The following COL27A1 variants were observed in gnomAD, a reference collection of about 807,000 sequenced individuals.
The protein encoded by COL27A1 is collagen alpha-1(XXVII) chain.
COL27A1 carries 106 observed loss-of-function variants against 251.3 expected under a neutral mutation model. The ratio of observed to expected loss-of-function variants is 0.42; its 90% CI spans 0.36 to 0.50. The LOEUF (loss-of-function observed/expected upper bound fraction) is 0.50. Among genes scored for constraint, COL27A1 ranks in the 20% least tolerant of loss-of-function variants. The pLI is 0.00. For synonymous variants in COL27A1, 1,000 were observed against 986.3 expected, an observed-to-expected ratio of 1.01 and a Z score of -0.26; for missense variants, 2,325 against 2,522.8, an observed-to-expected ratio of 0.92 and a Z score of 1.68.
intron 5 of COL27A1, among the ~76,000 whole-genome samples, chr9:114,193,308 C>T (rs1828877323): frequency 1.3e-5 from 2 of 152,174 alleles, no homozygotes. Flanking sequence ...CAGGAGCACC[C>T]CGTGACAGAC....
At chr9:114,265,163 GGGGGCGGGTGC>G in intron 31 of COL27A1, 53 bp downstream of exon 31, 1 of 526,092 alleles carries the variant, frequency 1.9e-6, no homozygotes, top group Non-Finnish European at 3.7e-6. Context: ...GATGGGGGTG[GGGGGCGGGTGC>G]GGTGCTGATA....
At chr9:114,256,667 T>C (rs1833943024) in intron 27 of COL27A1, among the ~76,000 whole-genome samples, 1 of 152,134 alleles carries the variant, frequency 6.6e-6, no homozygotes, top group Admixed American at 6.5e-5. Context: ...CTGAGGACTT[T>C]GTCACTTCAC....
chr9:114,158,489 A>C (rs898079649), intron 1 of COL27A1, among the ~76,000 whole-genome samples: 1 of 152,124 alleles, frequency 6.6e-6, no homozygotes, highest in Non-Finnish European at 1.5e-5. Context: ...TTTCCATGTG[A>C]TGTTTCCTCG....
chr9:114,223,996 TTGG>T (rs1831291668), intron 14 of COL27A1, among the ~76,000 whole-genome samples: 1 of 152,188 alleles, frequency 6.6e-6, no homozygotes, highest in South Asian at 2.1e-4. Flanking sequence ...ACATTGGAAC[TTGG>T]TGGGAGAGAG....
chr9:114,208,064 T>G (rs1296017343), intron 10 of COL27A1, among the ~76,000 whole-genome samples: 2 of 152,136 alleles, frequency 1.3e-5, no homozygotes, highest in Non-Finnish European at 2.9e-5. Context: ...TTCTACCACA[T>G]TTCAGCTGTT....
rs2135634236 is a variant in COL27A1 at position 114,270,869 on chromosome 9, T to C, written c.3609+88T>C. The stretch of plus-strand genomic sequence containing the variant: ...CCTAAGTCTCCTCCCAGAAACACTG[T>C]GTTCCCATAGAGATCTGAGATGACA... On this transcript the variant is annotated intron_variant, in intron 36 of 60. Transcript: ENST00000356083. 3 of 1,014,610 alleles carry C rather than the reference T, an allele frequency of 3.0e-6. No homozygotes were observed. In the East Asian group the frequency reaches 7.3e-5, roughly 25 times the overall value. The allele number at this position is 1,014,610 out of a possible 1,614,324, so 62.9% of individuals were successfully genotyped here.
In COL27A1 at chr9:114,302,154, G is replaced by A. The variant is rs1828694365; in HGVS notation, c.4872+46G>A. 4 of 1,536,940 alleles carry A rather than the reference G, an allele frequency of 2.6e-6. No individual in the cohort carries two copies. In the East Asian group the frequency reaches 9.0e-5, roughly 34 times the overall value. On this transcript the variant is annotated intron_variant, in intron 56 of 60. Transcript: ENST00000356083. ...TTTGCCTACTTGGGGTAAGGCCTGA[G>A]GGGTTTGGGGGAAGAGGCTGCTGGC...
At chr9:114,298,500 T>C (rs771664060) in intron 49 of COL27A1, among the ~76,000 whole-genome samples, 1 of 152,252 alleles carries the variant, frequency 6.6e-6, no homozygotes, top group Non-Finnish European at 1.5e-5. Flanking sequence ...CTTACATTTA[T>C]GTCTGTTGTT....
Position 114,235,660 on chromosome 9 carries a change from CA to C in COL27A1, c.2619+9del. 1 of 1,610,302 alleles carries C rather than the reference CA, an allele frequency of 6.2e-7. No homozygotes were observed. Among genetic ancestry groups the C allele is most frequent in the Non-Finnish European group, 8.5e-7 (1 of 1,176,662 alleles). On this transcript the variant is annotated intron_variant, in intron 17 of 60. Coordinates refer to ENST00000356083, the MANE Select transcript of COL27A1 (RefSeq NM_032888.4). ...GGATTCCAAGGAGACAAGGTAATTG[CA>C]TGAGATTTTCCCCTCCCCCTGCCCC... is the stretch of plus-strand genomic sequence containing the variant.
chr9:114,223,457 G>T (rs1189265629), intron 14 of COL27A1, among the ~76,000 whole-genome samples: 1 of 152,184 alleles, frequency 6.6e-6, no homozygotes, highest in East Asian at 1.9e-4. Context: ...CTGCTCAGGT[G>T]AGTGGGAGCA....
intron 56 of COL27A1, among the ~76,000 whole-genome samples, chr9:114,304,161 C>A (rs1453667163): frequency 6.6e-6 from 1 of 152,136 alleles, no homozygotes; most frequent in Admixed American, 6.5e-5. Flanking sequence ...TCCTTGAGAA[C>A]CACTGGTATA....
chr9:114,256,899 T>C (rs1242262038), intron 27 of COL27A1, among the ~76,000 whole-genome samples: 2 of 152,228 alleles, frequency 1.3e-5, no homozygotes, highest in Non-Finnish European at 2.9e-5. Flanking sequence ...GTGCATTGCA[T>C]GCCTTCTGAG....
At chr9:114,240,379 C>T (rs989168584) in intron 20 of COL27A1, 55 bp from the exon 21 acceptor site, 19 of 1,596,972 alleles carry the variant, frequency 1.2e-5, no homozygotes, top group Middle Eastern at 1.7e-4. Flanking sequence ...TGCCAGCCTG[C>T]GATGGAGATG....
intron 5 of COL27A1, among the ~76,000 whole-genome samples, chr9:114,190,711 G>A (rs1828697099): frequency 6.6e-6 from 1 of 152,154 alleles, no homozygotes; most frequent in Non-Finnish European, 1.5e-5. Context: ...TATGTTCTTG[G>A]CACTTAAGGC....
chr9:114,172,217 T>C (rs991116318), intron 3 of COL27A1, among the ~76,000 whole-genome samples: 10 of 152,206 alleles, frequency 6.6e-5, no homozygotes, highest in African/African-American at 2.4e-4. Context: ...GAGGCATCTT[T>C]GAACGGTGAT....
At chr9:114,291,186 T>C (rs927513472) in intron 48 of COL27A1, among the ~76,000 whole-genome samples, 4 of 152,164 alleles carry the variant, frequency 2.6e-5, no homozygotes, top group African/African-American at 9.7e-5. Context: ...CGCCCTCTCG[T>C]GGACATTTGT....
Position 114,219,841 on chromosome 9 carries a change from T to C in COL27A1, c.2418T>C (p.Asn806=), listed in dbSNP as rs1830955214. The C allele has an allele frequency of 5.6e-6, 9 of 1,608,310 alleles. No homozygotes were observed. The highest frequency in any genetic ancestry group is 7.7e-6 in the Non-Finnish European group (9 of 1,174,820). The part of the protein sequence containing the change: ...GERGPPGLDG[N]PGELGLPGPP... ...GAGGCCCTCCTGGACTGGATGGAAATCCTGTGAGTATTTCAAGTCTTTGGG... is the reference window on the plus strand; with the variant it reads ...GAGGCCCTCCTGGACTGGATGGAAACCCTGTGAGTATTTCAAGTCTTTGGG... The change falls in exon 13 of 61, where the codon AAT becomes AAC. Residue 806 remains asparagine (N), a synonymous_variant. Coordinates refer to ENST00000356083, the MANE Select transcript of COL27A1 (RefSeq NM_032888.4).
rs757247874 is a variant in COL27A1 at position 114,206,249 on chromosome 9, C to T, written c.2224-3C>T. On this transcript the variant is annotated splice_polypyrimidine_tract_variant and splice_region_variant and intron_variant, in intron 9 of 60. Coordinates refer to ENST00000356083, the MANE Select transcript of COL27A1 (RefSeq NM_032888.4). ...CCTTGCCCCTCTGTGTTTTGTGTTT[C>T]AGGGGTTACCTGGACCGGTAGGAGA... 2 of 1,614,108 alleles carry T rather than the reference C, an allele frequency of 1.2e-6. No individual in the cohort carries two copies. The highest frequency in any genetic ancestry group is 1.7e-6 in the Non-Finnish European group (2 of 1,179,972).
chr9:114,197,453 C>T (rs1480865508), intron 7 of COL27A1, among the ~76,000 whole-genome samples: 1 of 152,224 alleles, frequency 6.6e-6, no homozygotes, highest in Non-Finnish European at 1.5e-5. Context: ...GGGACTTGCG[C>T]TCCCCACTTA....
Sources: allele counts gnomAD v4.1 joint callset (sites outside exome capture counted in the v4.1 genomes callset), GRCh38; gene constraint gnomAD v4.1.1; transcripts MANE v1.5; gene names NCBI Gene and HGNC (gene_info 2026-07-23, HGNC 2026-07-21).